NEB: variants seen among roughly 807,000 people sequenced by gnomAD.
NEB encodes the protein nebulin.
In NEB, 512 loss-of-function variants were observed where a neutral mutation model predicts 952.2. The ratio of observed to expected loss-of-function variants is 0.54; its 90% CI spans 0.50 to 0.58. NEB has a LOEUF of 0.58. Among genes scored for constraint, NEB ranks in the 20% least tolerant of loss-of-function variants. NEB has a pLI of 0.00. For missense variants in NEB, 8,428 were observed against 9,231.1 expected (o/e 0.91, Z 3.56); for synonymous variants, 2,900 against 3,149.8 (o/e 0.92, Z 2.66).
chr2:151,604,962 T>G (rs1294320240), intron 84 of NEB, 91 bp from the exon 85 acceptor site: 1 of 522,952 alleles, frequency 1.9e-6, no homozygotes, highest in Non-Finnish European at 3.3e-6. Flanking sequence ...TATGTTTTCT[T>G]AGCCTTGGTA....
chr2:151,627,220 C>T lies in NEB; in HGVS notation c.10144-15G>A, dbSNP rs375731546. 1.0e-4 allele frequency: 167 copies of T among 1,606,124 alleles called. No homozygotes were observed. The highest frequency in any genetic ancestry group is 3.4e-4 in the Admixed American group (20 of 59,550). On this transcript the variant is annotated splice_polypyrimidine_tract_variant and intron_variant, in intron 69 of 181. Transcript: ENST00000397345. ...TTGTAAATGTTCTGGAGAGATTAAA[C>T]ACAAAAGCGAGTATTACTGAAGTTG... is the stretch of plus-strand genomic sequence containing the variant.
chr2:151,694,025 A>G (rs552202257), intron 20 of NEB, among the ~76,000 whole-genome samples: 2 of 152,336 alleles, frequency 1.3e-5, no homozygotes, highest in African/African-American at 4.8e-5. Flanking sequence ...ATACTTATGT[A>G]TATTAAGCTC....
intron 47 of NEB, among the ~76,000 whole-genome samples, chr2:151,658,531 T>A (rs1422853021): frequency 6.6e-6 from 1 of 152,104 alleles, no homozygotes; most frequent in Non-Finnish European, 1.5e-5. Flanking sequence ...CTCTGTGGAA[T>A]TCAAACAAAG....
In NEB at chr2:151,506,996, G is replaced by T; in HGVS notation, c.23469C>A (p.Asp7823Glu). The change falls in exon 163 of 182, where the codon GAC becomes GAA. Residue 7823 changes from aspartate to glutamate, a missense_variant. By Grantham distance (45) the Asp-to-Glu change is conservative. Transcript: ENST00000397345. ...TAATTTTTCCTTTACTGTTTTTAAGGTCACACTGGTATTGGAGCTATGAAG... is the reference window on the plus strand; with the variant it reads ...TAATTTTTCCTTTACTGTTTTTAAGTTCACACTGGTATTGGAGCTATGAAG... ...KNFSLLQYQC[D>E]LKNSKGKITV... 1 of 1,599,246 alleles carries T rather than the reference G, an allele frequency of 6.3e-7. No homozygotes were observed. The highest frequency in any genetic ancestry group is 8.6e-7 in the Non-Finnish European group (1 of 1,167,980).
intron 181 of NEB, 74 bp from the exon 182 acceptor site, chr2:151,486,007 A>T: frequency 6.8e-7 from 1 of 1,464,378 alleles, no homozygotes; most frequent in Non-Finnish European, 9.4e-7. Flanking sequence ...TATTTGTAAG[A>T]TCTCTCATGA....
chr2:151,570,676 T>C (rs2096593765), intron 107 of NEB, 75 bp from the exon 108 acceptor site: 6 of 1,339,766 alleles, frequency 4.5e-6, no homozygotes, highest in Non-Finnish European at 6.3e-6. Context: ...GTGGAATTAA[T>C]ACCACAGGGG....
chr2:151,720,999 A>G (rs1293257941), intron 9 of NEB, among the ~76,000 whole-genome samples: 1 of 152,004 alleles, frequency 6.6e-6, no homozygotes, highest in African/African-American at 2.4e-5. Context: ...CCATTAACGC[A>G]CCTTTACCAG....
chr2:151,495,112 C>T (rs997069496), intron 173 of NEB: 1 of 152,232 alleles, frequency 6.6e-6, no homozygotes, highest in Non-Finnish European at 1.5e-5. Context: ...CAACATTCAG[C>T]TTATCATTAA....
Position 151,492,182 on chromosome 2 carries a change from T to C in NEB, c.24973A>G (p.Ser8325Gly), listed in dbSNP as rs1207561303. The change falls in exon 178 of 182, where the codon AGT becomes GGT. Residue 8325 changes from serine to glycine, a missense_variant. By Grantham distance (56) the Ser-to-Gly change is moderately conservative. Coordinates refer to ENST00000397345, the MANE Select transcript of NEB (RefSeq NM_001164508.2). ...ERVKKNMQDF[S>G]DINYRGIQRK... Reference sequence around the variant, plus strand: ...TGAATACCTCGGTAGTTAATGTCACTGAAGTCCTGCATGTTCTTCTTTACT... The same window carrying C: ...TGAATACCTCGGTAGTTAATGTCACCGAAGTCCTGCATGTTCTTCTTTACT... 1.2e-6 allele frequency: 2 copies of C among 1,613,980 alleles called. No individual in the cohort carries two copies. The highest frequency in any genetic ancestry group is 2.2e-5 in the South Asian group (2 of 91,080).
chr2:151,670,829 A>T (rs2099276997), intron 38 of NEB, among the ~76,000 whole-genome samples, 194 bp downstream of exon 38: 1 of 152,152 alleles, frequency 6.6e-6, no homozygotes, highest in Non-Finnish European at 1.5e-5. Context: ...ATAGTCCCCC[A>T]TTTTCATCTC....
Position 151,733,128 on chromosome 2 carries a change from ACCT to A in NEB, c.26_28del (p.Glu9del), listed in dbSNP as rs1553711235. On this transcript the variant is annotated inframe_deletion, in exon 3 of 182. Transcript: ENST00000397345. ...TTTTTTTTTAAATCTTACCTCCACCACCTCCTCATAGTCTTCGTCATCTGCCAT... is the reference window on the plus strand; with the variant it reads ...TTTTTTTTTAAATCTTACCTCCACCACCTCATAGTCTTCGTCATCTGCCAT... The A allele has an allele frequency of 6.2e-7, 1 of 1,602,628 alleles. No homozygotes were observed. Among genetic ancestry groups the A allele is most frequent in the Non-Finnish European group, 8.5e-7 (1 of 1,174,976 alleles).
At chr2:151,720,397 A>G (rs2099770958) in intron 9 of NEB, among the ~76,000 whole-genome samples, 1 of 152,224 alleles carries the variant, frequency 6.6e-6, no homozygotes, top group Non-Finnish European at 1.5e-5. Flanking sequence ...TAGTACTGAC[A>G]ACAGTATTAA....
chr2:151,723,434 T>C lies in NEB; in HGVS notation c.665A>G (p.Asn222Ser). 1 of 1,610,492 alleles carries C rather than the reference T, an allele frequency of 6.2e-7. No individual in the cohort carries two copies. The highest frequency in any genetic ancestry group is 1.1e-5 in the South Asian group (1 of 89,920). The change falls in exon 9 of 182, where the codon AAT (asparagine) becomes AGT (serine). Residue 222 changes from asparagine to serine, a missense_variant. This residue lies in a region of NEB where 2,851 missense variants were observed against 2,791.5 expected (regional missense o/e 1.02). Transcript: ENST00000397345. Reference protein sequence around the residue: ...EADKSLFYPYNDSPELRRVAQ... With the variant: ...EADKSLFYPYSDSPELRRVAQ... ...AACTCTCCTCAGTTCCGGGCTATCA[T>C]TATAGGGGTAAAACAAACTTTTGTC...
intron 38 of NEB, among the ~76,000 whole-genome samples, chr2:151,670,430 C>T (rs1338267396): frequency 9.5e-6 from 1 of 105,376 alleles, no homozygotes; most frequent in Non-Finnish European, 1.8e-5. Context: ...AGAGTCCATA[C>T]AGACGTGTCT....
At chr2:151,728,480 G>A (rs145274409) in intron 4 of NEB, among the ~76,000 whole-genome samples, 241 of 152,212 alleles carry the variant, frequency 1.6e-3, no homozygotes, top group African/African-American at 5.6e-3. Flanking sequence ...TCATTCCCTT[G>A]GCTTAGTCAG....
Position 151,626,542 on chromosome 2 carries a change from C to CT in NEB, c.10347+459dup, listed in dbSNP as rs1311026671. ...TTGAACCCATAATAGCTGTCCCATT[C>CT]TTTTTTTTTTTTGAGACGGAATCTT... is the stretch of plus-strand genomic sequence containing the variant. On this transcript the variant is annotated intron_variant, in intron 70 of 181. Coordinates refer to ENST00000397345, the MANE Select transcript of NEB (RefSeq NM_001164508.2). 7.9e-3 allele frequency among the ~76,000 whole-genome samples: 1,147 copies of CT among 145,488 alleles called. 5 individuals carry two copies. Among genetic ancestry groups the CT allele is most frequent in the African/African-American group, 0.024 (970 of 39,936 alleles).
intron 146 of NEB, among the ~76,000 whole-genome samples, chr2:151,528,029 C>A (rs1209714395): frequency 1.3e-5 from 2 of 152,130 alleles, no homozygotes; most frequent in African/African-American, 4.8e-5. Context: ...AAAATTAATT[C>A]ACCTAATCTT....
At position 151,576,246 on chromosome 2, in the gene NEB, CACT is replaced by C. The variant is rs1275642476; in HGVS notation, c.16810_16812del (p.Ser5604del). 13 of 1,611,372 alleles carry C rather than the reference CACT, an allele frequency of 8.1e-6. No individual in the cohort carries two copies. Among genetic ancestry groups the C allele is most frequent in the Non-Finnish European group, 1.1e-5 (13 of 1,178,174 alleles). ...AGGTTCACCACAGGCGTCCGATAGA[CACT>C]GTCACAAAAGATATTCTGGGCGTTT... On this transcript the variant is annotated inframe_deletion, in exon 106 of 182. Coordinates refer to ENST00000397345, the MANE Select transcript of NEB (RefSeq NM_001164508.2).
At chr2:151,564,489 G>C (rs957774138) in intron 117 of NEB, among the ~76,000 whole-genome samples, 1 of 152,054 alleles carries the variant, frequency 6.6e-6, no homozygotes, top group African/African-American at 2.4e-5. Flanking sequence ...CTATTTTTGC[G>C]GTCCTAGTAA....
Sources: gnomAD v4.1 joint callset for allele counts (sites outside exome capture counted in the v4.1 genomes callset) on GRCh38, gnomAD v4.1.1 for gene constraint, gnomAD v4.1.1 regional missense constraint, MANE v1.5 for transcripts, NCBI Gene and HGNC (gene_info 2026-07-23, HGNC 2026-07-21) for gene names.